The following RCAN1 variants were observed in gnomAD, a reference collection of about 807,000 sequenced individuals.
RCAN1 encodes regulator of calcineurin 1.
In RCAN1, 11 loss-of-function variants were observed where a neutral mutation model predicts 22.9. The observed-to-expected ratio is 0.48, with a 90% CI of 0.30 to 0.79. The LOEUF is 0.79. Among genes scored for constraint, RCAN1 ranks in the 30% least tolerant of loss-of-function variants. The pLI is 0.06. For missense variants in RCAN1, 291 were observed against 337.8 expected (o/e 0.86, Z 1.09); for synonymous variants, 136 against 142.3 (o/e 0.96, Z 0.32).
At chr21:34,595,841 C>A (rs1210561153) in intron 1 of RCAN1, among the ~76,000 whole-genome samples, 1 of 152,228 alleles carries the variant, frequency 6.6e-6, no homozygotes, top group African/African-American at 2.4e-5. Context: ...TGGTGTCAGA[C>A]AAGCTGACCA....
In RCAN1 at chr21:34,614,439, G is replaced by A. The variant is rs1180263151; in HGVS notation, c.252+321C>T. On this transcript the variant is annotated intron_variant, in intron 1 of 3. Coordinates refer to ENST00000313806, the MANE Select transcript of RCAN1 (RefSeq NM_004414.7). The surrounding 1 kb of genome is among the most constrained non-coding windows in gnomAD (Gnocchi z 6.0). ...GTAAATGCGGGGCGATGGCGAGAGC[G>A]CAGGGGGCGGCGGCGCTGCCCCACC... is the stretch of plus-strand genomic sequence containing the variant. 12 of 1,008,114 alleles carry A rather than the reference G, an allele frequency of 1.2e-5. No homozygotes were observed. Among genetic ancestry groups the A allele is most frequent in the Non-Finnish European group, 1.4e-5 (12 of 845,182 alleles). 62.4% of individuals were successfully genotyped at this position (1,008,114 alleles called of 1,614,324 possible).
At chr21:34,519,419 A>C (rs1386359485) in intron 3 of RCAN1, among the ~76,000 whole-genome samples, 1 of 44,880 alleles carries the variant, frequency 2.2e-5, no homozygotes, top group Admixed American at 3.2e-4. Flanking sequence ...TTTTTTTTTG[A>C]GACAGAGTCT....
chr21:34,559,021 C>T (rs16991891), intron 1 of RCAN1, among the ~76,000 whole-genome samples: 36,779 of 152,124 alleles, frequency 0.24, 5,189 homozygotes, highest in African/African-American at 0.39. Context: ...AAACATTCCA[C>T]CTAAATGCTA....
At chr21:34,599,976 G>A (rs1053067988) in intron 1 of RCAN1, among the ~76,000 whole-genome samples, 10 of 152,104 alleles carry the variant, frequency 6.6e-5, no homozygotes, top group African/African-American at 2.4e-4. Context: ...GCTGTGTTGT[G>A]TTCTCTGGCT....
intron 1 of RCAN1, among the ~76,000 whole-genome samples, chr21:34,571,469 T>A (rs1022653810): frequency 1.3e-5 from 2 of 152,260 alleles, no homozygotes; most frequent in African/African-American, 4.8e-5. Flanking sequence ...AGTATTGTGT[T>A]AAAATATTAA....
rs1352421136 is a variant in RCAN1, at chr21:34,601,294, A to G, written c.252+13466T>C. ...ATATTATTGTAAGCCCTCTATTTGT[A>G]TTATGTCTTTTCATCCTCACAACAC... On this transcript the variant is annotated intron_variant, in intron 1 of 3. Transcript: ENST00000313806. Among the ~76,000 whole-genome samples, 3 of 152,200 alleles carry G rather than the reference A, an allele frequency of 2.0e-5. No homozygotes were observed. In the East Asian group the frequency reaches 5.8e-4, roughly 29 times the overall value.
intron 1 of RCAN1, among the ~76,000 whole-genome samples, chr21:34,534,966 C>A (rs769989670): frequency 1.3e-5 from 2 of 152,214 alleles, no homozygotes; most frequent in African/African-American, 2.4e-5. Flanking sequence ...ATCTCCAGCA[C>A]CAACCCCATG....
chr21:34,536,221 G>T (rs1173473262), intron 1 of RCAN1, among the ~76,000 whole-genome samples: 2 of 152,218 alleles, frequency 1.3e-5, no homozygotes, highest in Non-Finnish European at 2.9e-5. Context: ...ATGAGGATTA[G>T]GGGAGGCAAC....
At chr21:34,538,545 AG>A (rs1985779454) in intron 1 of RCAN1, among the ~76,000 whole-genome samples, 1 of 152,150 alleles carries the variant, frequency 6.6e-6, no homozygotes, top group Non-Finnish European at 1.5e-5. Context: ...ACTCTAAGAC[AG>A]AGGTTCTTGC....
chr21:34,571,507 T>C (rs62211897), intron 1 of RCAN1, among the ~76,000 whole-genome samples: 7,715 of 152,286 alleles, frequency 0.051, 239 homozygotes, highest in East Asian at 0.14. Flanking sequence ...AGAGCAAATT[T>C]CCCTAACAGT....
intron 1 of RCAN1, among the ~76,000 whole-genome samples, chr21:34,600,442 C>G (rs1340775045): frequency 1.3e-5 from 2 of 151,872 alleles, no homozygotes; most frequent in Non-Finnish European, 2.9e-5. Context: ...CTGAAAAGGT[C>G]TGTTTTTCCT....
At chr21:34,542,874 T>A (rs1448129562) in intron 1 of RCAN1, among the ~76,000 whole-genome samples, 1 of 152,134 alleles carries the variant, frequency 6.6e-6, no homozygotes, top group Non-Finnish European at 1.5e-5. Flanking sequence ...TACTTGCACA[T>A]CTGTGAGAGG....
chr21:34,525,608 G>A (rs1984990986), intron 1 of RCAN1: 1 of 400,538 alleles, frequency 2.5e-6, no homozygotes, highest in Non-Finnish European at 4.4e-6. Context: ...CAGGTTCAGG[G>A]CTTAGGACCA....
chr21:34,526,786 C>A, intron 1 of RCAN1: 1 of 1,593,418 alleles, frequency 6.3e-7, no homozygotes, highest in Non-Finnish European at 8.6e-7. Flanking sequence ...CAGACCCACG[C>A]AGTCAAGCCC....
At chr21:34,607,796 C>T (rs1313893422) in intron 1 of RCAN1, among the ~76,000 whole-genome samples, 1 of 152,224 alleles carries the variant, frequency 6.6e-6, no homozygotes, top group Non-Finnish European at 1.5e-5. Flanking sequence ...GATCGCCAAC[C>T]TCCGGACCAC....
At chr21:34,530,527 A>T (rs555460388) in intron 1 of RCAN1, among the ~76,000 whole-genome samples, 2 of 152,186 alleles carry the variant, frequency 1.3e-5, no homozygotes, top group African/African-American at 4.8e-5. Flanking sequence ...CTGAGCAAAA[A>T]ATGAGGCAAC....
chr21:34,578,204 G>A (rs1265856713), intron 1 of RCAN1, among the ~76,000 whole-genome samples: 2 of 152,142 alleles, frequency 1.3e-5, no homozygotes, highest in Admixed American at 6.5e-5. Context: ...CTTGACCCTC[G>A]TATCTCTGAG....
chr21:34,578,132 G>T (rs35318727), intron 1 of RCAN1, among the ~76,000 whole-genome samples: 1 of 104,808 alleles, frequency 9.5e-6, no homozygotes, highest in African/African-American at 2.8e-5. Context: ...CAGCATGAAG[G>T]CCACATGCAA....
At chr21:34,599,631 T>C (rs1988268909) in intron 1 of RCAN1, among the ~76,000 whole-genome samples, 1 of 151,670 alleles carries the variant, frequency 6.6e-6, no homozygotes, top group Non-Finnish European at 1.5e-5. Flanking sequence ...CATATGTTTA[T>C]ACATGTGTGT....
Sources: gnomAD v4.1 joint callset for allele counts (sites outside exome capture counted in the v4.1 genomes callset) on GRCh38, gnomAD v4.1.1 for gene constraint, Gnocchi (gnomAD v3.1) non-coding constraint, MANE v1.5 for transcripts, NCBI Gene and HGNC (gene_info 2026-07-23, HGNC 2026-07-21) for gene names.